Variants in FRY observed in about 807,000 individuals in gnomAD.
FRY encodes protein furry homolog.
Under a neutral mutation model 348.4 loss-of-function variants are expected in FRY, and 128 were observed. The observed-to-expected ratio is 0.37, with a 90% CI of 0.32 to 0.43. FRY has a LOEUF of 0.43. Ranked by LOEUF, FRY falls within the 20% of genes least tolerant of loss-of-function variation. The pLI is 1.00. For synonymous variants in FRY, 1,370 were observed against 1,374.7 expected (o/e 1.00, Z 0.08); for missense variants, 2,736 against 3,695.2 (o/e 0.74, Z 6.73).
chr13:32,121,972 G>C (rs1878686820), intron 4 of FRY, among the ~76,000 whole-genome samples: 1 of 152,272 alleles, frequency 6.6e-6, no homozygotes, highest in South Asian at 2.1e-4. Flanking sequence ...GAGAGATGAA[G>C]ATCTAGTTTC....
intron 55 of FRY, among the ~76,000 whole-genome samples, chr13:32,269,098 A>G (rs1471712972): frequency 6.6e-6 from 1 of 152,178 alleles, no homozygotes; most frequent in Non-Finnish European, 1.5e-5. Context: ...TGAGGGAAGG[A>G]GCCCTCTAAT....
At chr13:32,102,739 A>G (rs1036583369) in intron 3 of FRY, among the ~76,000 whole-genome samples, 2 of 152,234 alleles carry the variant, frequency 1.3e-5, no homozygotes, top group Non-Finnish European at 1.5e-5. Context: ...GGCCCTAGGC[A>G]TGTTTAAAAA....
intron 13 of FRY, 99 bp downstream of exon 13, chr13:32,148,046 A>G (rs1360142544): frequency 2.6e-6 from 2 of 776,822 alleles, no homozygotes; most frequent in East Asian, 2.5e-5. Context: ...CTAAATTAGC[A>G]TCTTACGTGT....
At chr13:32,104,388 C>G (rs1383911976) in intron 3 of FRY, among the ~76,000 whole-genome samples, 1 of 152,178 alleles carries the variant, frequency 6.6e-6, no homozygotes, top group Non-Finnish European at 1.5e-5. Context: ...TAGCCTGGCC[C>G]CAGAACTGCT....
At chr13:32,189,038 T>G (rs918474375) in intron 28 of FRY, among the ~76,000 whole-genome samples, 2 of 152,116 alleles carry the variant, frequency 1.3e-5, no homozygotes, top group African/African-American at 4.8e-5. Context: ...GTATGGATGG[T>G]CTACCACTGT....
At chr13:32,247,247 C>T (rs1886857423) in intron 47 of FRY, 76 bp from the exon 48 acceptor site, 6 of 1,210,808 alleles carry the variant, frequency 5.0e-6, no homozygotes, top group African/African-American at 1.5e-5. Context: ...ACTAGCTTCT[C>T]ACTGGTCATT....
chr13:32,194,380 C>T, intron 29 of FRY, 83 bp downstream of exon 29: 1 of 1,248,258 alleles, frequency 8.0e-7, no homozygotes, highest in Non-Finnish European at 1.2e-6. Context: ...AGCTGTTTTG[C>T]AACTATATGA....
At chr13:32,212,179 C>T in intron 34 of FRY, 113 bp from the exon 35 acceptor site, 2 of 701,586 alleles carry the variant, frequency 2.9e-6, no homozygotes, top group Non-Finnish European at 2.6e-6. Flanking sequence ...TGTAAAAAAT[C>T]TTCCAAACAT....
chr13:32,201,857 C>T (rs1295449081), intron 29 of FRY, 84 bp from the exon 30 acceptor site: 5 of 830,188 alleles, frequency 6.0e-6, no homozygotes, highest in South Asian at 1.3e-5. Context: ...GGTCAGCATG[C>T]CAGCTAGAAT....
At chr13:32,095,264 G>C (rs1876611238) in intron 2 of FRY, among the ~76,000 whole-genome samples, 1 of 143,724 alleles carries the variant, frequency 7.0e-6, no homozygotes, top group South Asian at 2.3e-4. Flanking sequence ...CAGATGCATA[G>C]TTTGCAAATA....
intron 31 of FRY, among the ~76,000 whole-genome samples, chr13:32,207,834 A>G (rs890700200): frequency 3.9e-5 from 6 of 152,208 alleles, no homozygotes; most frequent in African/African-American, 1.4e-4. Context: ...ATTATTTAGC[A>G]GCCATGAGCC....
At position 32,175,560 on chromosome 13, in the gene FRY, G is replaced by T; in HGVS notation, c.2349G>T (p.Pro783=). 6.2e-7 allele frequency: 1 copy of T among 1,609,950 alleles called. No homozygotes were observed. The highest frequency in any genetic ancestry group is 2.2e-5 in the East Asian group (1 of 44,852). ...CCTTTGTACAGGATGACGACAGGCC[G>T]ATGATTGATGTCATGGATCAGCTAA... is the stretch of plus-strand genomic sequence containing the variant. The part of the protein sequence containing the change: ...ALGQPEDDDR[P]MIDVMDQLSS... The change falls in exon 20 of 61, where the codon CCG becomes CCT. Residue 783 remains proline, a synonymous_variant. Transcript: ENST00000542859.
intron 3 of FRY, among the ~76,000 whole-genome samples, chr13:32,112,173 A>T (rs117184734): frequency 6.6e-6 from 1 of 152,164 alleles, no homozygotes; most frequent in Admixed American, 6.5e-5. Flanking sequence ...TGGTGAATAA[A>T]ATCCTGACAG....
In FRY at chr13:32,200,796, C is replaced by G. The variant is rs55896629; in HGVS notation, c.3747-1145C>G. Among the ~76,000 whole-genome samples, 1,494 of 152,274 alleles carry G rather than the reference C, an allele frequency of 9.8e-3. 16 individuals are homozygous for G. Among genetic ancestry groups the G allele is most frequent in the Non-Finnish European group, 0.016 (1,065 of 68,016 alleles). On this transcript the variant is annotated intron_variant, in intron 29 of 60. Coordinates refer to ENST00000542859, the MANE Select transcript of FRY (RefSeq NM_023037.3). The stretch of plus-strand genomic sequence containing the variant: ...TAATCTATTCTGTGTTCCTCTCCCC[C>G]CATCCCACACATGCTGTCAGTTACC...
At chr13:32,144,811 C>A (rs1221876983) in intron 11 of FRY, among the ~76,000 whole-genome samples, 1 of 151,880 alleles carries the variant, frequency 6.6e-6, no homozygotes, top group Admixed American at 6.5e-5. Flanking sequence ...TTTCAGAGAA[C>A]CTATCATTTA....
At chr13:32,033,730 T>A (rs1396706906) in intron 1 of FRY, among the ~76,000 whole-genome samples, 1 of 152,204 alleles carries the variant, frequency 6.6e-6, no homozygotes, top group East Asian at 1.9e-4. Flanking sequence ...CTGCCCACTA[T>A]ATTAATTTTT....
rs779292401 is a variant in FRY, at chr13:32,194,161, G to C, written c.3610G>C (p.Glu1204Gln). The change falls in exon 29 of 61, where the codon GAA (glutamate) becomes CAA (glutamine). Residue 1204 changes from glutamate to glutamine, a missense_variant. Transcript: ENST00000542859. ...QDLRVHQLGC[E>Q]VVVLLLELNP... ...TATTCAGGTTCATCAACTTGGCTGC[G>C]AAGTTGTTGTCTTGCTACTGGAACT... is the stretch of plus-strand genomic sequence containing the variant. The C allele has an allele frequency of 6.2e-7, 1 of 1,613,742 alleles. No homozygotes were observed. The highest frequency in any genetic ancestry group is 8.5e-7 in the Non-Finnish European group (1 of 1,179,846).
chr13:32,055,099 T>G (rs1566046656), intron 1 of FRY, among the ~76,000 whole-genome samples: 1 of 152,084 alleles, frequency 6.6e-6, no homozygotes, highest in Non-Finnish European at 1.5e-5. Context: ...CAGGCTGGAG[T>G]GCAGTGGTGT....
chr13:32,238,897 C>T (rs752294197), intron 44 of FRY, among the ~76,000 whole-genome samples: 1 of 152,178 alleles, frequency 6.6e-6, no homozygotes, highest in Non-Finnish European at 1.5e-5. Context: ...CCTATGTCCT[C>T]TCACACCAGT....
Sources: gnomAD v4.1 joint callset for allele counts (sites outside exome capture counted in the v4.1 genomes callset) on GRCh38, gnomAD v4.1.1 for gene constraint, MANE v1.5 for transcripts, NCBI Gene and HGNC (gene_info 2026-07-23, HGNC 2026-07-21) for gene names.